The following OPHN1 variants were observed in gnomAD, a reference collection of about 807,000 sequenced individuals.
OPHN1 encodes the protein oligophrenin-1.
Under a neutral mutation model 60.7 loss-of-function variants are expected in OPHN1, and 11 were observed. That is an observed-to-expected ratio of 0.18 (90% CI 0.11 to 0.30). The LOEUF is 0.30. Among genes scored for constraint, OPHN1 ranks in the 10% least tolerant of loss-of-function variants. The pLI is 1.00. For missense variants in OPHN1, 449 were observed against 611.0 expected (o/e 0.73, Z 2.80); for synonymous variants, 226 against 222.6 (o/e 1.02, Z -0.14).
chrX:68,101,556 TA>T (rs768219935), intron 18 of OPHN1, among the ~76,000 whole-genome samples: 1 of 112,336 alleles, frequency 8.9e-6, no homozygotes, highest in South Asian at 3.7e-4. Flanking sequence ...ACGCATACTC[TA>T]GGGGTGATTA....
chrX:68,219,452 T>C (rs1434533190), intron 6 of OPHN1, among the ~76,000 whole-genome samples: 6 of 107,415 alleles, frequency 5.6e-5, no homozygotes, highest in Non-Finnish European at 7.7e-5. Context: ...TACAGAACTC[T>C]CCACCCCAAA....
intron 5 of OPHN1, among the ~76,000 whole-genome samples, chrX:68,237,557 A>G (rs776688575): frequency 9.8e-5 from 11 of 112,429 alleles, no homozygotes; most frequent in Non-Finnish European, 1.7e-4. Context: ...TTTTCAGCAT[A>G]TAAGTCTTGC....
chrX:68,240,639 C>T (rs1262875954), intron 5 of OPHN1, among the ~76,000 whole-genome samples: 3 of 111,198 alleles, frequency 2.7e-5, no homozygotes, highest in African/African-American at 9.8e-5. Context: ...ATTTTCCTAC[C>T]AGTCTACCTT....
chrX:68,212,548 G>T (rs2077589274), intron 7 of OPHN1, among the ~76,000 whole-genome samples: 2 of 111,441 alleles, frequency 1.8e-5, no homozygotes, highest in Admixed American at 9.5e-5. Context: ...TTGCATCACT[G>T]CACTCTAGCC....
At chrX:68,265,882 C>T (rs1286298975) in intron 5 of OPHN1, among the ~76,000 whole-genome samples, 1 of 111,483 alleles carries the variant, frequency 9.0e-6, no homozygotes, top group Non-Finnish European at 1.9e-5. Flanking sequence ...ATGATGAATG[C>T]ACAAGCCTCT....
Position 68,173,490 on chromosome X carries a change from TG to T in OPHN1, c.1276+19428del, listed in dbSNP as rs1429151883. 7.2e-5 allele frequency among the ~76,000 whole-genome samples: 8 copies of T among 111,328 alleles called. No homozygotes were observed. In the Admixed American group the frequency reaches 7.7e-4, roughly 11 times the overall value. Reference sequence around the variant, plus strand: ...GCATCTGCCAGTATAAAATAATTTCTGGTGAGAAAGACACTTGTTCACACCT... The same window carrying T: ...GCATCTGCCAGTATAAAATAATTTCTGTGAGAAAGACACTTGTTCACACCT... On this transcript the variant is annotated intron_variant, in intron 15 of 24. Coordinates refer to ENST00000355520, the MANE Select transcript of OPHN1 (RefSeq NM_002547.3).
intron 2 of OPHN1, among the ~76,000 whole-genome samples, chrX:68,331,814 T>G (rs1376885635): frequency 3.7e-5 from 4 of 107,594 alleles, no homozygotes; most frequent in African/African-American, 1.4e-4. Flanking sequence ...GGCAGGTGGA[T>G]CACGAGGTCA....
intron 15 of OPHN1, among the ~76,000 whole-genome samples, chrX:68,124,959 C>A (rs1046559434): frequency 2.7e-5 from 3 of 111,176 alleles, no homozygotes; most frequent in African/African-American, 9.8e-5. Context: ...TAAAGCAAGT[C>A]TTAAAACATT....
chrX:68,056,445 T>C (rs1273441973), intron 21 of OPHN1, among the ~76,000 whole-genome samples: 1 of 111,793 alleles, frequency 8.9e-6, no homozygotes, highest in East Asian at 2.8e-4. Flanking sequence ...ATAATGATAA[T>C]ACAGTGTGAT....
intron 16 of OPHN1, among the ~76,000 whole-genome samples, chrX:68,117,479 A>C (rs1276963129): frequency 1.8e-5 from 2 of 112,385 alleles, no homozygotes; most frequent in Non-Finnish European, 1.9e-5. Flanking sequence ...ATATCTATAC[A>C]CAACTGTTTG....
intron 2 of OPHN1, among the ~76,000 whole-genome samples, chrX:68,348,730 G>A (rs1452856646): frequency 1.8e-5 from 2 of 111,430 alleles, no homozygotes; most frequent in East Asian, 5.7e-4. Context: ...CTACAAAGAC[G>A]AACAACAGAG....
At chrX:68,092,577 A>G (rs1410379879) in intron 19 of OPHN1, among the ~76,000 whole-genome samples, 1 of 111,929 alleles carries the variant, frequency 8.9e-6, no homozygotes, top group Non-Finnish European at 1.9e-5. Flanking sequence ...TCGACTACTT[A>G]ACACATATTA....
chrX:68,323,687 C>T (rs894653616), intron 2 of OPHN1, among the ~76,000 whole-genome samples: 3 of 110,912 alleles, frequency 2.7e-5, no homozygotes, highest in Non-Finnish European at 3.8e-5. Flanking sequence ...ATAAAATGTA[C>T]AAGAAAAAAA....
intron 2 of OPHN1, among the ~76,000 whole-genome samples, chrX:68,321,842 C>T (rs777315223): frequency 9.1e-6 from 1 of 110,440 alleles, no homozygotes; most frequent in South Asian, 4.0e-4. Flanking sequence ...GCAGGTGAAT[C>T]GCTTGAACCT....
At chrX:68,318,015 AAAC>A (rs1276521223) in intron 2 of OPHN1, among the ~76,000 whole-genome samples, 1 of 112,240 alleles carries the variant, frequency 8.9e-6, no homozygotes, top group African/African-American at 3.2e-5. Context: ...ATAGTCTGTA[AAAC>A]AACACCAAGC....
intron 2 of OPHN1, among the ~76,000 whole-genome samples, chrX:68,424,060 A>C (rs1189870031): frequency 1.8e-5 from 2 of 110,645 alleles, no homozygotes; most frequent in Non-Finnish European, 3.8e-5. Context: ...CGAGCTACTC[A>C]GGAGGCTGAG....
chrX:68,430,211 C>T (rs1002588421), intron 2 of OPHN1, among the ~76,000 whole-genome samples: 1 of 111,787 alleles, frequency 8.9e-6, no homozygotes, highest in Non-Finnish European at 1.9e-5. Context: ...AAAGTCGCTC[C>T]GCTGGCACAG....
At chrX:68,228,966 C>T (rs766991734) in intron 6 of OPHN1, among the ~76,000 whole-genome samples, 5 of 111,048 alleles carry the variant, frequency 4.5e-5, no homozygotes, top group African/African-American at 1.3e-4. Context: ...ATGAGGAAGT[C>T]AAATTGTCCC....
At chrX:68,066,951 AGAACTGGGAGT>A (rs904428511) in intron 20 of OPHN1, among the ~76,000 whole-genome samples, 2 of 112,361 alleles carry the variant, frequency 1.8e-5, no homozygotes, top group African/African-American at 6.5e-5. Context: ...GGGACTACGA[AGAACTGGGAGT>A]GAATCAGGAT....
Sources: allele counts gnomAD v4.1 joint callset (sites outside exome capture counted in the v4.1 genomes callset), GRCh38; gene constraint gnomAD v4.1.1; transcripts MANE v1.5; gene names NCBI Gene and HGNC (gene_info 2026-07-23, HGNC 2026-07-21).